Variants in SLCO3A1 observed in about 807,000 individuals in gnomAD.
The protein encoded by SLCO3A1 is solute carrier organic anion transporter family member 3A1.
A neutral mutation model predicts 63.1 loss-of-function variants in SLCO3A1; 27 were observed. That is an observed-to-expected ratio of 0.43 (90% confidence interval 0.32 to 0.59). The LOEUF (loss-of-function observed/expected upper bound fraction) is 0.59. SLCO3A1 is among the 20% of genes least tolerant of loss of function. SLCO3A1 has a pLI of 0.09. For missense variants in SLCO3A1, 773 were observed against 945.8 expected (o/e 0.82, Z 2.40); for synonymous variants, 473 against 409.9 (o/e 1.15, Z -1.86).
At chr15:92,153,727 G>A (rs1213824709) in intron 9 of SLCO3A1, 2 of 152,302 alleles carry the variant, frequency 1.3e-5, no homozygotes, top group Admixed American at 1.3e-4. Flanking sequence ...AGGATGTGAT[G>A]TCTATGCTCA....
At chr15:92,029,620 A>G in intron 2 of SLCO3A1, among the ~76,000 whole-genome samples, 1 of 152,084 alleles carries the variant, frequency 6.6e-6, no homozygotes, top group Admixed American at 6.5e-5. Context: ...TTTTCCTACA[A>G]CCCAGGGAAA....
Position 92,043,531 on chromosome 15 carries a change from C to T in SLCO3A1, c.647-51350C>T, listed in dbSNP as rs965296814. 2.6e-5 allele frequency among the ~76,000 whole-genome samples: 4 copies of T among 152,220 alleles called. No homozygotes were observed. In the East Asian group the frequency reaches 7.7e-4, roughly 29 times the overall value. On this transcript the variant is annotated intron_variant, in intron 2 of 9. Coordinates refer to ENST00000318445, the MANE Select transcript of SLCO3A1 (RefSeq NM_013272.4). The stretch of plus-strand genomic sequence containing the variant: ...TGAGTCATCCAGTCCAGCCCAACCC[C>T]AGAGCCTAAACATGCTTTGATACCT...
At chr15:91,914,567 CTTTTTTTTT>C (rs556314311) in intron 1 of SLCO3A1, among the ~76,000 whole-genome samples, 4 of 122,276 alleles carry the variant, frequency 3.3e-5, no homozygotes, top group African/African-American at 9.3e-5. Flanking sequence ...TATTTTCTTC[CTTTTTTTTT>C]TTTTTTTTTT....
chr15:92,037,312 AAACCCT>A (rs1190755170), intron 2 of SLCO3A1, among the ~76,000 whole-genome samples: 10 of 152,194 alleles, frequency 6.6e-5, no homozygotes, highest in African/African-American at 2.4e-4. Context: ...ATTCTTCATT[AAACCCT>A]CCAAACAGCT....
At chr15:91,887,239 A>G (rs1045305744) in intron 1 of SLCO3A1, among the ~76,000 whole-genome samples, 1 of 152,066 alleles carries the variant, frequency 6.6e-6, no homozygotes, top group Non-Finnish European at 1.5e-5. Flanking sequence ...TCTTTAGAAT[A>G]TTGTCATCCC....
chr15:91,870,862 G>A (rs902537325), intron 1 of SLCO3A1, among the ~76,000 whole-genome samples: 4 of 140,652 alleles, frequency 2.8e-5, no homozygotes, highest in African/African-American at 1.0e-4. Flanking sequence ...TATTTCTTTA[G>A]ATCTACAATC....
chr15:92,003,216 T>A (rs1340447467), intron 2 of SLCO3A1, among the ~76,000 whole-genome samples: 1 of 152,198 alleles, frequency 6.6e-6, no homozygotes, highest in East Asian at 1.9e-4. Context: ...CCTGGAACCG[T>A]GCTGAGCATA....
chr15:91,988,874 G>A (rs775229074), intron 2 of SLCO3A1, among the ~76,000 whole-genome samples: 13 of 152,184 alleles, frequency 8.5e-5, no homozygotes, highest in African/African-American at 1.9e-4. Context: ...AATGCAGAGC[G>A]AGGTAGGATA....
chr15:92,018,448 G>T (rs182347757), intron 2 of SLCO3A1, among the ~76,000 whole-genome samples: 94 of 152,230 alleles, frequency 6.2e-4, no homozygotes, highest in African/African-American at 2.1e-3. Context: ...TTACATCCAC[G>T]ACCCCACCAG....
intron 2 of SLCO3A1, among the ~76,000 whole-genome samples, chr15:91,976,219 C>T (rs934798040): frequency 1.3e-5 from 2 of 152,068 alleles, no homozygotes; most frequent in African/African-American, 4.8e-5. Context: ...CAAAGAAACT[C>T]TATACACAGA....
chr15:92,110,825 C>G (rs2047719894), intron 4 of SLCO3A1, among the ~76,000 whole-genome samples: 1 of 151,976 alleles, frequency 6.6e-6, no homozygotes, highest in Admixed American at 6.6e-5. Context: ...CTAAAGCTCC[C>G]CTGCCCCCTA....
chr15:92,121,724 T>C (rs1391048797), intron 5 of SLCO3A1, among the ~76,000 whole-genome samples: 1 of 151,968 alleles, frequency 6.6e-6, no homozygotes, highest in Admixed American at 6.6e-5. Flanking sequence ...CCTGAAGAAA[T>C]AGAGGAGTCT....
At chr15:92,158,533 G>T (rs1055521483) in intron 9 of SLCO3A1, among the ~76,000 whole-genome samples, 2 of 152,192 alleles carry the variant, frequency 1.3e-5, no homozygotes, top group Non-Finnish European at 2.9e-5. Context: ...TGGGTAGGGG[G>T]TAGTTAATGA....
intron 2 of SLCO3A1, among the ~76,000 whole-genome samples, chr15:91,953,997 A>C (rs1161010801): frequency 6.6e-6 from 1 of 152,174 alleles, no homozygotes; most frequent in Non-Finnish European, 1.5e-5. Flanking sequence ...GTTTTTAAAT[A>C]GGGGTATGTC....
intron 1 of SLCO3A1, among the ~76,000 whole-genome samples, chr15:91,879,938 G>A (rs12594803): frequency 0.11 from 16,197 of 152,078 alleles, 2,307 homozygotes; most frequent in African/African-American, 0.33. Flanking sequence ...AGATGGCACA[G>A]TGAGTCCCAG....
chr15:91,915,644 CTT>C (rs1898629103), intron 1 of SLCO3A1, among the ~76,000 whole-genome samples: 1 of 151,902 alleles, frequency 6.6e-6, no homozygotes, highest in Non-Finnish European at 1.5e-5. Flanking sequence ...CACTTCAGGA[CTT>C]TTATAGGTTT....
rs191974880 is a variant in SLCO3A1, at chr15:92,035,944, C to T, written c.647-58937C>T. On this transcript the variant is annotated intron_variant, in intron 2 of 9. Coordinates refer to ENST00000318445, the MANE Select transcript of SLCO3A1 (RefSeq NM_013272.4). ...TCACTGGCAAGGAAGGGGTCTCATGCACTGCCTAGTGTAGACTCTAGTGTC... is the reference window on the plus strand; with the variant it reads ...TCACTGGCAAGGAAGGGGTCTCATGTACTGCCTAGTGTAGACTCTAGTGTC... 3.3e-5 allele frequency among the ~76,000 whole-genome samples: 5 copies of T among 149,428 alleles called. No individual in the cohort carries two copies. The East Asian group carries it at 7.7e-4, about 23-fold the overall frequency.
rs1472295573 is a variant in SLCO3A1, at chr15:91,954,362, G to A, written c.646+37904G>A. On this transcript the variant is annotated intron_variant, in intron 2 of 9. Transcript: ENST00000318445. This position sits in a 1 kb window ranked among gnomAD's most constrained non-coding sequence, Gnocchi z 4.7. Reference sequence around the variant, plus strand: ...GAATGCCATCTGCAGGACGGGCACTGTGCTGAGCCTCAGCCAGGCGGAGAC... The same window carrying A: ...GAATGCCATCTGCAGGACGGGCACTATGCTGAGCCTCAGCCAGGCGGAGAC... Among the ~76,000 whole-genome samples the A allele has an allele frequency of 6.6e-6, 1 of 152,224 alleles. No homozygotes were observed. Among genetic ancestry groups the A allele is most frequent in the East Asian group, 1.9e-4 (1 of 5,196 alleles).
chr15:92,155,405 TGGCGGCTGCA>T (rs1412043391), intron 9 of SLCO3A1: 2 of 152,398 alleles, frequency 1.3e-5, no homozygotes, highest in Non-Finnish European at 2.9e-5. Flanking sequence ...ATCCTGCCTC[TGGCGGCTGCA>T]GTAGGAGAAC....
Sources: allele counts gnomAD v4.1 joint callset (sites outside exome capture counted in the v4.1 genomes callset), GRCh38; gene constraint gnomAD v4.1.1; non-coding constraint Gnocchi (gnomAD v3.1); transcripts MANE v1.5; gene names NCBI Gene and HGNC (gene_info 2026-07-23, HGNC 2026-07-21).